Variants in DIP2C observed in about 807,000 individuals in gnomAD.
DIP2C encodes the protein disco-interacting protein 2 homolog C.
DIP2C carries 33 observed loss-of-function variants against 192.4 expected under a neutral mutation model. That is an observed-to-expected ratio of 0.17 (90% confidence interval 0.13 to 0.23). DIP2C has a LOEUF of 0.23. Ranked by LOEUF, DIP2C falls within the 10% of genes least tolerant of loss-of-function variation. DIP2C has a pLI of 1.00. For missense variants in DIP2C, 1,537 were observed against 2,110.1 expected (o/e 0.73, Z 5.32); for synonymous variants, 979 against 864.1 (o/e 1.13, Z -2.33).
chr10:525,008 A>T (rs568233376), intron 1 of DIP2C, among the ~76,000 whole-genome samples: 1 of 150,422 alleles, frequency 6.6e-6, no homozygotes, highest in Admixed American at 6.6e-5. Flanking sequence ...AGGTCAGAAG[A>T]TCAAGACCAA....
chr10:373,088 G>A (rs2132814295), intron 17 of DIP2C, among the ~76,000 whole-genome samples: 1 of 152,356 alleles, frequency 6.6e-6, no homozygotes, highest in East Asian at 1.9e-4. Context: ...CACTGCCCAA[G>A]TGGGTGGTGG....
intron 2 of DIP2C, among the ~76,000 whole-genome samples, chr10:475,395 C>T (rs770783960): frequency 7.2e-5 from 11 of 152,188 alleles, no homozygotes; most frequent in Non-Finnish European, 2.9e-5. Context: ...CAAGCGTATC[C>T]AGTGGCCTGA....
At chr10:414,921 T>G (rs1427253130) in intron 7 of DIP2C, among the ~76,000 whole-genome samples, 11 of 120,290 alleles carry the variant, frequency 9.1e-5, no homozygotes, top group Middle Eastern at 4.7e-3. Context: ...TTTTTTTTTT[T>G]GGTAGAGACA....
At chr10:298,172 G>A (rs556303650) in intron 32 of DIP2C, among the ~76,000 whole-genome samples, 1 of 152,258 alleles carries the variant, frequency 6.6e-6, no homozygotes, top group African/African-American at 2.4e-5. Flanking sequence ...ACAATTGGCC[G>A]TCACGTCTCC....
chr10:585,416 A>G (rs1471611538), intron 1 of DIP2C, among the ~76,000 whole-genome samples: 1 of 152,236 alleles, frequency 6.6e-6, no homozygotes, highest in African/African-American at 2.4e-5. Context: ...TATTACATTC[A>G]GTAAATCGCA....
At chr10:642,625 A>G (rs913996390) in intron 1 of DIP2C, among the ~76,000 whole-genome samples, 10 of 152,268 alleles carry the variant, frequency 6.6e-5, no homozygotes, top group African/African-American at 2.2e-4. Context: ...CTGAAACATC[A>G]AAGCTGAAGG....
intron 4 of DIP2C, among the ~76,000 whole-genome samples, chr10:432,727 T>G (rs1230751560): frequency 6.6e-6 from 1 of 152,196 alleles, no homozygotes; most frequent in East Asian, 1.9e-4. Context: ...CTTTTTCTAG[T>G]TTTCTAAGGT....
intron 7 of DIP2C, among the ~76,000 whole-genome samples, chr10:414,742 C>CGTGTGTGTGTGTGTGTGT (rs1564679999): frequency 2.7e-5 from 3 of 112,550 alleles, no homozygotes; most frequent in East Asian, 2.7e-4. Context: ...TGTGTGTGTA[C>CGTGTGTGTGTGTGTGTGT]ATATATATAT....
intron 28 of DIP2C, among the ~76,000 whole-genome samples, chr10:342,307 C>A (rs1016987643): frequency 6.6e-6 from 1 of 152,148 alleles, no homozygotes; most frequent in Admixed American, 6.5e-5. Context: ...TACAGGCGCC[C>A]GCCACCACGC....
At chr10:389,433 C>G (rs926550010) in intron 13 of DIP2C, among the ~76,000 whole-genome samples, 2 of 152,166 alleles carry the variant, frequency 1.3e-5, no homozygotes, top group African/African-American at 4.8e-5. Flanking sequence ...ACCAGCCCAC[C>G]CGGGGGAAGG....
chr10:512,349 A>C (rs1002281489), intron 1 of DIP2C, among the ~76,000 whole-genome samples: 4 of 152,182 alleles, frequency 2.6e-5, no homozygotes, highest in African/African-American at 9.7e-5. Flanking sequence ...GCTTGAGCCC[A>C]GGAGCTCAAG....
At chr10:621,654 T>A (rs1853859453) in intron 1 of DIP2C, among the ~76,000 whole-genome samples, 1 of 152,070 alleles carries the variant, frequency 6.6e-6, no homozygotes, top group African/African-American at 2.4e-5. Flanking sequence ...CCTCGTGTGA[T>A]CCTGCCATCA....
intron 3 of DIP2C, among the ~76,000 whole-genome samples, chr10:468,579 G>A (rs932336294): frequency 2.0e-5 from 3 of 152,172 alleles, no homozygotes; most frequent in Non-Finnish European, 4.4e-5. Context: ...TGACCAACAT[G>A]GAGAAACCCT....
intron 1 of DIP2C, among the ~76,000 whole-genome samples, chr10:521,390 T>G (rs981475833): frequency 6.6e-6 from 1 of 152,134 alleles, no homozygotes; most frequent in South Asian, 2.1e-4. Flanking sequence ...GCCTCAATGA[T>G]AAGGAAAACT....
intron 1 of DIP2C, among the ~76,000 whole-genome samples, chr10:685,169 TATATATATATATATATAC>T (rs1216381046): frequency 0.014 from 252 of 18,420 alleles, 2 homozygotes; most frequent in Middle Eastern, 0.12. Context: ...AAAATATATA[TATATATATATATATATAC>T]ATATATATAT....
chr10:324,643 A>T, intron 31 of DIP2C: 1 of 216,024 alleles, frequency 4.6e-6, no homozygotes, highest in Admixed American at 5.4e-5. Context: ...CCATGATTAG[A>T]ATACTGAATT....
intron 3 of DIP2C, among the ~76,000 whole-genome samples, chr10:445,739 A>C (rs1968130414): frequency 6.6e-6 from 1 of 151,510 alleles, no homozygotes; most frequent in Non-Finnish European, 1.5e-5. Context: ...GCATCTGTAT[A>C]CACCTGTTGT....
rs760803436 is a variant in DIP2C at position 579,603 on chromosome 10, AAT to A, written c.86-93075_86-93074del. Among the ~76,000 whole-genome samples, 4 of 152,162 alleles carry A rather than the reference AAT, an allele frequency of 2.6e-5. 1 individual carries two copies. In the South Asian group the frequency reaches 8.3e-4, roughly 32 times the overall value. On this transcript the variant is annotated intron_variant, in intron 1 of 36. Transcript: ENST00000280886. ...TACATGCATAGAGCATACACATCCA[AAT>A]AGTGTACAAACATGTGCACTGTAAC...
At chr10:613,113 T>C (rs964822585) in intron 1 of DIP2C, among the ~76,000 whole-genome samples, 140 of 152,244 alleles carry the variant, frequency 9.2e-4, no homozygotes, top group African/African-American at 3.0e-3. Context: ...ACAGGCTGAC[T>C]GCCTCGTCTG....
Sources: gnomAD v4.1 joint callset for allele counts (sites outside exome capture counted in the v4.1 genomes callset) on GRCh38, gnomAD v4.1.1 for gene constraint, MANE v1.5 for transcripts, NCBI Gene and HGNC (gene_info 2026-07-23, HGNC 2026-07-21) for gene names.